Variants in GRIN2B observed in about 807,000 individuals in gnomAD.
GRIN2B encodes glutamate receptor ionotropic, NMDA 2B.
Under a neutral mutation model 114.5 loss-of-function variants are expected in GRIN2B, and 5 were observed. That is an observed-to-expected ratio of 0.04 (90% CI 0.02 to 0.09). The LOEUF is 0.09. GRIN2B is among the 10% of genes least tolerant of loss of function. The probability of loss-of-function intolerance (pLI) is 1.00; values close to 1 mark genes in which losing one functional copy is unlikely to be tolerated. For missense variants in GRIN2B, 1,108 were observed against 1,943.5 expected, an observed-to-expected ratio of 0.57 and a Z score of 8.08; for synonymous variants, 787 against 745.1, an observed-to-expected ratio of 1.06 and a Z score of -0.92.
At chr12:13,782,293 A>G (rs1165202078) in intron 3 of GRIN2B, among the ~76,000 whole-genome samples, 1 of 152,172 alleles carries the variant, frequency 6.6e-6, no homozygotes, top group Non-Finnish European at 1.5e-5. Context: ...ACACACACAC[A>G]CACACTCTCT....
At chr12:13,587,150 A>G (rs1948937994) in intron 10 of GRIN2B, among the ~76,000 whole-genome samples, 1 of 152,130 alleles carries the variant, frequency 6.6e-6, no homozygotes, top group African/African-American at 2.4e-5. Context: ...AAAAAGATGG[A>G]AGGACAGAGA....
chr12:13,547,022 T>C lies in GRIN2B; in HGVS notation c.*15761A>G, dbSNP rs1465635755. 1.3e-5 allele frequency: 2 copies of C among 152,142 alleles called. No individual in the cohort carries two copies. Among genetic ancestry groups the C allele is most frequent in the Non-Finnish European group, 2.9e-5 (2 of 68,018 alleles). 9.4% of individuals were successfully genotyped at this position (152,142 alleles called of 1,614,324 possible). A position where few individuals can be genotyped will look rare whatever the true frequency, so the allele number is the denominator to read the frequency against. On this transcript the variant is annotated 3_prime_UTR_variant, in exon 14 of 14. Transcript: ENST00000609686. ...CCTCATTTGCCTGCTTGTCATTCTT[T>C]CTCCAACTTCCTAAGTTAAAAAATG... is the stretch of plus-strand genomic sequence containing the variant.
At chr12:13,819,139 T>C (rs926105219) in intron 3 of GRIN2B, among the ~76,000 whole-genome samples, 2 of 151,950 alleles carry the variant, frequency 1.3e-5, no homozygotes, top group South Asian at 2.1e-4. Flanking sequence ...AAAGAGGAAA[T>C]TGGAACACAC....
intron 5 of GRIN2B, among the ~76,000 whole-genome samples, chr12:13,662,664 C>A (rs1430005390): frequency 6.6e-6 from 1 of 152,128 alleles, no homozygotes; most frequent in Non-Finnish European, 1.5e-5. Context: ...TAGTGCCCAG[C>A]CCTTAGTAGG....
chr12:13,554,340 A>C lies in GRIN2B; in HGVS notation c.*8443T>G, dbSNP rs193240400. 2 of 152,288 alleles carry C rather than the reference A, an allele frequency of 1.3e-5. No individual in the cohort carries two copies. The highest frequency in any genetic ancestry group is 3.9e-4 in the East Asian group (2 of 5,184). The allele number at this position is 152,288 out of a possible 1,614,324, so 9.4% of individuals were successfully genotyped here. A position where few individuals can be genotyped will look rare whatever the true frequency, so the allele number is the denominator to read the frequency against. ...ATAAAATGCCTAAAATTATTTTCTG[A>C]ATGGAAGATAAAGAAGTTGTTCTGG... On this transcript the variant is annotated 3_prime_UTR_variant, in exon 14 of 14. Coordinates refer to ENST00000609686, the MANE Select transcript of GRIN2B (RefSeq NM_000834.5).
At chr12:13,777,010 T>C (rs1440747352) in intron 3 of GRIN2B, among the ~76,000 whole-genome samples, 1 of 152,108 alleles carries the variant, frequency 6.6e-6, no homozygotes, top group Admixed American at 6.5e-5. Context: ...GGGACACTAA[T>C]GGGTGTCCCT....
At chr12:13,582,793 G>A (rs1354036138) in intron 10 of GRIN2B, among the ~76,000 whole-genome samples, 1 of 152,126 alleles carries the variant, frequency 6.6e-6, no homozygotes, top group Non-Finnish European at 1.5e-5. Context: ...CCTCCTGCTG[G>A]AGCCGAAACA....
intron 4 of GRIN2B, among the ~76,000 whole-genome samples, chr12:13,699,295 T>C (rs1377975469): frequency 6.6e-6 from 1 of 152,160 alleles, no homozygotes; most frequent in Non-Finnish European, 1.5e-5. Context: ...AAGTAGGACA[T>C]ATACACTTTC....
chr12:13,722,441 T>C (rs1441775026), intron 4 of GRIN2B, among the ~76,000 whole-genome samples: 1 of 152,104 alleles, frequency 6.6e-6, no homozygotes, highest in Non-Finnish European at 1.5e-5. Flanking sequence ...TTTGTAAGAA[T>C]TGGTCTCTAG....
intron 3 of GRIN2B, among the ~76,000 whole-genome samples, chr12:13,858,384 G>A (rs1865698825): frequency 1.3e-5 from 2 of 152,096 alleles, no homozygotes; most frequent in Non-Finnish European, 2.9e-5. Flanking sequence ...CACCTTTAAT[G>A]TTACTCTCCT....
At chr12:13,966,726 A>G (rs1165392669) in intron 2 of GRIN2B, among the ~76,000 whole-genome samples, 1 of 152,218 alleles carries the variant, frequency 6.6e-6, no homozygotes, top group African/African-American at 2.4e-5. Context: ...AAACAGGGGA[A>G]GTCACGATAA....
intron 5 of GRIN2B, among the ~76,000 whole-genome samples, chr12:13,648,640 C>G (rs896427262): frequency 2.0e-5 from 3 of 151,798 alleles, no homozygotes; most frequent in African/African-American, 7.3e-5. Context: ...AGGCAGGGTC[C>G]AGTTGAAAGG....
At chr12:13,599,495 T>A (rs539233917) in intron 10 of GRIN2B, among the ~76,000 whole-genome samples, 2 of 152,356 alleles carry the variant, frequency 1.3e-5, no homozygotes, top group African/African-American at 4.8e-5. Context: ...CCATGCTGCA[T>A]TAATTTGTCT....
intron 4 of GRIN2B, among the ~76,000 whole-genome samples, chr12:13,699,362 C>CAGT (rs1239274697): frequency 6.6e-6 from 1 of 152,000 alleles, no homozygotes; most frequent in Admixed American, 6.5e-5. Flanking sequence ...AATGGAAGTA[C>CAGT]AGTAAGCAAG....
intron 3 of GRIN2B, among the ~76,000 whole-genome samples, chr12:13,824,119 T>C (rs1864987870): frequency 6.6e-6 from 1 of 152,146 alleles, no homozygotes; most frequent in Non-Finnish European, 1.5e-5. Flanking sequence ...TGTCACTTAT[T>C]GGTAGGAAAA....
intron 2 of GRIN2B, among the ~76,000 whole-genome samples, chr12:13,964,963 C>G (rs1867764423): frequency 6.6e-6 from 1 of 152,178 alleles, no homozygotes; most frequent in South Asian, 2.1e-4. Context: ...AGGTTGGGTC[C>G]AAGCTCCCCC....
In GRIN2B at chr12:13,562,763, T is replaced by TAACCTCTCTGTTCCCTCACTCAGACATC. The variant is rs1403836589; in HGVS notation, c.4447_*19dup. 4.4e-6 allele frequency: 7 copies of TAACCTCTCTGTTCCCTCACTCAGACATC among 1,606,930 alleles called. No homozygotes were observed. The highest frequency in any genetic ancestry group is 6.0e-6 in the Non-Finnish European group (7 of 1,173,538). On this transcript the variant is annotated 3_prime_UTR_variant, in exon 14 of 14. Coordinates refer to ENST00000609686, the MANE Select transcript of GRIN2B (RefSeq NM_000834.5). ...CAGCCTTACCCTCCCGTACCCACCT[T>TAACCTCTCTGTTCCCTCACTCAGACATC]AACCTCTCTGTTCCCTCACTCAGAC...
intron 2 of GRIN2B, among the ~76,000 whole-genome samples, chr12:13,886,265 T>C (rs1017595263): frequency 6.6e-6 from 1 of 152,208 alleles, no homozygotes; most frequent in African/African-American, 2.4e-5. Context: ...GGAAATGTTT[T>C]AAAAGCCATG....
intron 2 of GRIN2B, among the ~76,000 whole-genome samples, chr12:13,904,045 T>C (rs1866500235): frequency 6.6e-6 from 1 of 152,050 alleles, no homozygotes; most frequent in Non-Finnish European, 1.5e-5. Context: ...GTATAGTCAC[T>C]CAGTACCATT....
Sources: allele counts gnomAD v4.1 joint callset (sites outside exome capture counted in the v4.1 genomes callset), GRCh38; gene constraint gnomAD v4.1.1; transcripts MANE v1.5; gene names NCBI Gene and HGNC (gene_info 2026-07-23, HGNC 2026-07-21).